The following STARD13 variants were observed in gnomAD, a reference collection of about 807,000 sequenced individuals.
STARD13 encodes StAR related lipid transfer domain containing 13, also known as stAR-related lipid transfer protein 13.
STARD13 carries 62 observed loss-of-function variants against 106.4 expected under a neutral mutation model. The observed-to-expected ratio is 0.58, with a 90% CI of 0.48 to 0.72. The LOEUF is 0.72. Among genes scored for constraint, STARD13 ranks in the 30% least tolerant of loss-of-function variants. STARD13 has a pLI of 0.00. For missense variants in STARD13, 1,387 were observed against 1,424.0 expected, an observed-to-expected ratio of 0.97 and a Z score of 0.42; for synonymous variants, 565 against 553.0, an observed-to-expected ratio of 1.02 and a Z score of -0.31.
chr13:33,529,408 G>A, the STARD13 span, among the ~76,000 whole-genome samples: 1 of 152,118 alleles, frequency 6.6e-6, no homozygotes, highest in Non-Finnish European at 1.5e-5. Context: ...TTAGAAATCT[G>A]CATCTTGTTA....
chr13:33,486,151 G>A, the STARD13 span, among the ~76,000 whole-genome samples: 1 of 152,118 alleles, frequency 6.6e-6, no homozygotes, highest in Admixed American at 6.6e-5. Flanking sequence ...TGGACCCAGA[G>A]ACTCCTGAAG....
the STARD13 span, among the ~76,000 whole-genome samples, chr13:33,450,006 T>C: frequency 2.0e-5 from 3 of 152,158 alleles, no homozygotes; most frequent in Non-Finnish European, 4.4e-5. Flanking sequence ...GTTTTCTATA[T>C]GTAAAGATCA....
the STARD13 span, among the ~76,000 whole-genome samples, chr13:33,484,442 T>A: frequency 6.6e-6 from 1 of 152,216 alleles, no homozygotes; most frequent in Non-Finnish European, 1.5e-5. Context: ...ACTTTTGCAT[T>A]GCTGAAGACC....
chr13:33,198,968 A>G (rs1886826068), intron 1 of STARD13, among the ~76,000 whole-genome samples: 1 of 152,184 alleles, frequency 6.6e-6, no homozygotes, highest in South Asian at 2.1e-4. Context: ...TCCTTTTCCA[A>G]TCGCCTTTCC....
At chr13:33,419,770 C>G in the STARD13 span, among the ~76,000 whole-genome samples, 1 of 152,172 alleles carries the variant, frequency 6.6e-6, no homozygotes, top group Non-Finnish European at 1.5e-5. Context: ...TGGCAGAAAC[C>G]CTACAAGCCA....
intron 3 of STARD13, among the ~76,000 whole-genome samples, chr13:33,149,798 A>G (rs1881031142): frequency 6.6e-6 from 1 of 152,264 alleles, no homozygotes; most frequent in Admixed American, 6.5e-5. Context: ...GTAAAAGAAT[A>G]TGTCACAGTG....
chr13:33,534,706 A>T, the STARD13 span, among the ~76,000 whole-genome samples: 1 of 152,188 alleles, frequency 6.6e-6, no homozygotes, highest in South Asian at 2.1e-4. Context: ...AAATTCTTCT[A>T]AGTGTCTAGT....
rs139018980 is a variant in STARD13 at position 33,247,276 on chromosome 13, C to T, written c.169+38194G>A. Among the ~76,000 whole-genome samples, 13 of 151,908 alleles carry T rather than the reference C, an allele frequency of 8.6e-5. No homozygotes were observed. In the South Asian group the frequency reaches 1.3e-3, roughly 15 times the overall value. Reference sequence around the variant, plus strand: ...GGAAAAAAGTCCAGAAGAGAAAGTGCGGCTTGGTTTGTCTGGAGCCAAGAT... The same window carrying T: ...GGAAAAAAGTCCAGAAGAGAAAGTGTGGCTTGGTTTGTCTGGAGCCAAGAT... On this transcript the variant is annotated intron_variant, in intron 1 of 13. Coordinates refer to ENST00000336934, the MANE Select transcript of STARD13 (RefSeq NM_178006.4).
intron 1 of STARD13, among the ~76,000 whole-genome samples, chr13:33,186,302 C>A (rs778837815): frequency 1.3e-5 from 2 of 152,182 alleles, no homozygotes; most frequent in Non-Finnish European, 2.9e-5. Flanking sequence ...CTAAAGAGGA[C>A]TAAAATGTAA....
the STARD13 span, among the ~76,000 whole-genome samples, chr13:33,415,250 C>T: frequency 6.6e-6 from 1 of 152,122 alleles, no homozygotes. Flanking sequence ...CGCCTGTAGT[C>T]CCGGCTACTC....
At chr13:33,650,215 G>T in the STARD13 span, among the ~76,000 whole-genome samples, 1 of 83,402 alleles carries the variant, frequency 1.2e-5, no homozygotes, top group Admixed American at 2.2e-4. Context: ...TTTTGAGACG[G>T]CATCTCACTC....
At chr13:33,149,719 A>G (rs1431877199) in intron 3 of STARD13, among the ~76,000 whole-genome samples, 2 of 152,224 alleles carry the variant, frequency 1.3e-5, no homozygotes, top group South Asian at 2.1e-4. Context: ...TAGATTCTGT[A>G]AGAATACAAA....
Position 33,161,791 on chromosome 13 carries a change from G to A in STARD13, c.323+3546C>T, listed in dbSNP as rs183958608. 5.3e-5 allele frequency among the ~76,000 whole-genome samples: 8 copies of A among 152,168 alleles called. 1 individual carries two copies. The highest frequency in any genetic ancestry group is 1.4e-4 in the African/African-American group (6 of 41,428). On this transcript the variant is annotated intron_variant, in intron 3 of 13. Coordinates refer to ENST00000336934, the MANE Select transcript of STARD13 (RefSeq NM_178006.4). ...GGAAGAAAAAGAGGTTTAATTGGACGTAGTCCAGTTCCACATGTGTGGGAA... is the reference window on the plus strand; with the variant it reads ...GGAAGAAAAAGAGGTTTAATTGGACATAGTCCAGTTCCACATGTGTGGGAA...
chr13:33,318,092 T>C (rs1893411010), intron 1 of STARD13, among the ~76,000 whole-genome samples: 1 of 152,128 alleles, frequency 6.6e-6, no homozygotes, highest in Admixed American at 6.6e-5. Context: ...TATTGGGAGG[T>C]AATACGATCT....
intron 1 of STARD13, among the ~76,000 whole-genome samples, chr13:33,237,682 C>T (rs747142256): frequency 1.3e-5 from 2 of 152,248 alleles, no homozygotes; most frequent in Non-Finnish European, 1.5e-5. Context: ...CCATCCCCTA[C>T]ACCCATTTGA....
intron 1 of STARD13, among the ~76,000 whole-genome samples, chr13:33,227,987 C>A (rs149482558): frequency 6.6e-6 from 1 of 152,044 alleles, no homozygotes; most frequent in African/African-American, 2.4e-5. Flanking sequence ...GATCGTAAAA[C>A]GAAACAACGC....
At chr13:33,225,167 A>T (rs1309709504) in intron 1 of STARD13, among the ~76,000 whole-genome samples, 1 of 152,262 alleles carries the variant, frequency 6.6e-6, no homozygotes, top group East Asian at 1.9e-4. Flanking sequence ...TGAATATCAG[A>T]CACTGTACTG....
the STARD13 span, among the ~76,000 whole-genome samples, chr13:33,374,895 A>G: frequency 2.0e-5 from 3 of 152,170 alleles, no homozygotes; most frequent in Admixed American, 2.0e-4. Flanking sequence ...AGATTCTAAT[A>G]TACAATCCAA....
At chr13:33,635,682 A>G in the STARD13 span, among the ~76,000 whole-genome samples, 2 of 148,768 alleles carry the variant, frequency 1.3e-5, no homozygotes, top group Non-Finnish European at 3.0e-5. Context: ...ACAAACAAAC[A>G]AAAAAAACAC....
Sources: gnomAD v4.1 joint callset for allele counts (sites outside exome capture counted in the v4.1 genomes callset) on GRCh38, gnomAD v4.1.1 for gene constraint, MANE v1.5 for transcripts, NCBI Gene and HGNC (gene_info 2026-07-23, HGNC 2026-07-21) for gene names.